Variants in ITFG2 observed in about 807,000 individuals in gnomAD.
ITFG2 encodes the protein KICSTOR complex protein ITFG2.
ITFG2 carries 36 observed loss-of-function variants against 54.4 expected under a neutral mutation model. The ratio of observed to expected loss-of-function variants is 0.66; its 90% CI spans 0.51 to 0.87. The LOEUF (loss-of-function observed/expected upper bound fraction) is 0.87, where lower values mean the gene tolerates loss of function less well. Ranked by LOEUF, ITFG2 falls within the 40% of genes least tolerant of loss-of-function variation. The pLI is 0.00. For missense variants in ITFG2, 524 were observed against 576.7 expected (o/e 0.91, Z 0.94); for synonymous variants, 211 against 225.4 (o/e 0.94, Z 0.57).
chr12:2,855,081 C>T, intron 2 of ITFG2: 2 of 1,536,000 alleles, frequency 1.3e-6, no homozygotes, highest in Non-Finnish European at 1.7e-6. Context: ...AGCTGTTTTG[C>T]CCCATCCAGG....
upstream of ITFG2, among the ~76,000 whole-genome samples, chr12:2,834,356 C>G (rs2098017700): frequency 6.6e-6 from 1 of 152,174 alleles, no homozygotes; most frequent in Admixed American, 6.5e-5. Flanking sequence ...TTCCTGTAAG[C>G]CCCCACTTCT....
chr12:2,833,352 T>G (rs781343835), upstream of ITFG2, among the ~76,000 whole-genome samples: 4 of 152,014 alleles, frequency 2.6e-5, no homozygotes, highest in Non-Finnish European at 5.9e-5. Flanking sequence ...CAAGTAGGAA[T>G]AAGCCCCTGG....
chr12:2,848,053 C>G (rs957845712), intron 2 of ITFG2, among the ~76,000 whole-genome samples: 1 of 152,158 alleles, frequency 6.6e-6, no homozygotes, highest in African/African-American at 2.4e-5. Context: ...CTAATGGTCC[C>G]CATTGTGCAG....
chr12:2,812,949 G>A, intron 1 of ITFG2, 93 bp downstream of exon 1: 1 of 1,043,170 alleles, frequency 9.6e-7, no homozygotes, highest in Non-Finnish European at 1.5e-6. Context: ...CCACGTGAGC[G>A]TGAGCATGCG....
In ITFG2 at chr12:2,812,732, T is replaced by C. The variant is rs1256654960; in HGVS notation, c.-29T>C. On this transcript the variant is annotated 5_prime_UTR_variant, in exon 1 of 12. Transcript: ENST00000228799. Reference sequence around the variant, plus strand: ...GGGTTCAGGGAATATTTACTGGGCCTCTCCGCTCCCTCTGCTCTTGGAGGT... The same window carrying C: ...GGGTTCAGGGAATATTTACTGGGCCCCTCCGCTCCCTCTGCTCTTGGAGGT... 2.5e-6 allele frequency: 4 copies of C among 1,582,068 alleles called. No individual in the cohort carries two copies. Among genetic ancestry groups the C allele is most frequent in the South Asian group, 1.1e-5 (1 of 90,352 alleles).
chr12:2,842,126 T>TTC (rs2098042752), intron 2 of ITFG2, among the ~76,000 whole-genome samples: 1 of 139,676 alleles, frequency 7.2e-6, no homozygotes, highest in South Asian at 2.4e-4. Flanking sequence ...GTTTCTTTTT[T>TTC]TTTTTTTTTT....
downstream of ITFG2, among the ~76,000 whole-genome samples, chr12:2,831,413 A>G (rs755486405): frequency 2.0e-5 from 3 of 151,898 alleles, no homozygotes; most frequent in East Asian, 1.9e-4. Flanking sequence ...GTGAAACCCT[A>G]TTTCTACTAA....
At chr12:2,828,249 C>A, downstream of ITFG2, 1 of 1,277,216 alleles carries the variant, frequency 7.8e-7, no homozygotes, top group South Asian at 1.2e-5. Context: ...ATGCAACTGT[C>A]GTCACTATCT....
chr12:2,840,611 C>A (rs563596285), intron 1 of ITFG2, among the ~76,000 whole-genome samples: 2 of 151,932 alleles, frequency 1.3e-5, no homozygotes, highest in Admixed American at 6.6e-5. Flanking sequence ...ACGGTGAAAC[C>A]CCATCTCTAC....
intron 1 of ITFG2, among the ~76,000 whole-genome samples, chr12:2,839,161 G>A (rs899306892): frequency 6.6e-6 from 1 of 152,016 alleles, no homozygotes; most frequent in Non-Finnish European, 1.5e-5. Flanking sequence ...GCATAGTGGC[G>A]CATGCCTGTA....
At chr12:2,823,122 G>A (rs1421154376) in intron 10 of ITFG2, among the ~76,000 whole-genome samples, 5 of 152,124 alleles carry the variant, frequency 3.3e-5, no homozygotes, top group African/African-American at 1.2e-4. Context: ...CAGCTCTTTT[G>A]TTTGGGGGTG....
upstream of ITFG2, chr12:2,835,232 A>G (rs1250419711): frequency 1.1e-5 from 11 of 981,072 alleles, no homozygotes; most frequent in Non-Finnish European, 1.3e-5. Flanking sequence ...AGTGCTGTAA[A>G]CTGTCAGGGT....
At chr12:2,850,871 C>T (rs956225842) in intron 2 of ITFG2, among the ~76,000 whole-genome samples, 1 of 151,508 alleles carries the variant, frequency 6.6e-6, no homozygotes, top group Non-Finnish European at 1.5e-5. Context: ...GGGGTTTCCC[C>T]ATGTTGGCCA....
chr12:2,830,819 G>T, intron 2 of ITFG2: 1 of 1,613,612 alleles, frequency 6.2e-7, no homozygotes, highest in Non-Finnish European at 8.5e-7. Context: ...GCCAATTCGG[G>T]TTTCCCTCCA....
downstream of ITFG2, chr12:2,827,868 C>A: frequency 6.2e-7 from 1 of 1,611,772 alleles, no homozygotes; most frequent in South Asian, 1.1e-5. This position sits in a 1 kb window ranked among gnomAD's most constrained non-coding sequence, Gnocchi z 4.0. Flanking sequence ...AGCCTTTGCC[C>A]CACCCCAAAG....
At chr12:2,817,181 G>C in intron 1 of ITFG2, 42 bp from the exon 2 acceptor site, 1 of 1,348,046 alleles carries the variant, frequency 7.4e-7, no homozygotes, top group Non-Finnish European at 1.1e-6. Context: ...AAGAGGTTCA[G>C]CAGAGTCCCA....
Position 2,817,900 on chromosome 12 carries a change from C to T in ITFG2, c.193-9C>T, listed in dbSNP as rs753757627. ...AGCGTCTCCCTGAGCCTCCCTTTCT[C>T]TCTTACAGCTGACTTGCGTTGGGGT... is the stretch of plus-strand genomic sequence containing the variant. On this transcript the variant is annotated splice_polypyrimidine_tract_variant and intron_variant, in intron 2 of 11. Coordinates refer to ENST00000228799, the MANE Select transcript of ITFG2 (RefSeq NM_018463.4). The T allele has an allele frequency of 6.2e-7, 1 of 1,613,660 alleles. No homozygotes were observed. Among genetic ancestry groups the T allele is most frequent in the Non-Finnish European group, 8.5e-7 (1 of 1,179,820 alleles).
chr12:2,822,927 A>C lies in ITFG2; in HGVS notation c.1066+16A>C. 6.3e-7 allele frequency: 1 copy of C among 1,596,524 alleles called. No individual in the cohort carries two copies. Among genetic ancestry groups the C allele is most frequent in the Non-Finnish European group, 8.6e-7 (1 of 1,164,130 alleles). ...TTCTGTGCAGGTGACCCCCGCCCCC[A>C]TGGCCCCTTTCTAACCACACTTAAG... On this transcript the variant is annotated intron_variant, in intron 10 of 11. Transcript: ENST00000228799.
intron 2 of ITFG2, chr12:2,856,898 A>G: frequency 1.4e-6 from 1 of 702,698 alleles, no homozygotes. Context: ...TATAAGGGAC[A>G]GCCTGTAGCC....
Sources: gnomAD v4.1 joint callset for allele counts (sites outside exome capture counted in the v4.1 genomes callset) on GRCh38, gnomAD v4.1.1 for gene constraint, Gnocchi (gnomAD v3.1) non-coding constraint, MANE v1.5 for transcripts, NCBI Gene and HGNC (gene_info 2026-07-23, HGNC 2026-07-21) for gene names.